Variants in DNAJA1 observed in about 807,000 individuals in gnomAD.
DNAJA1 encodes the protein dnaJ homolog subfamily A member 1.
DNAJA1 carries 26 observed loss-of-function variants against 47.6 expected under a neutral mutation model. That is an observed-to-expected ratio of 0.55 (90% confidence interval 0.40 to 0.76). The LOEUF is 0.76. DNAJA1 is among the 30% of genes least tolerant of loss of function. The probability of loss-of-function intolerance (pLI) is 0.00; values close to 1 mark genes in which losing one functional copy is unlikely to be tolerated. For synonymous variants in DNAJA1, 165 were observed against 158.4 expected (o/e 1.04, Z -0.31); for missense variants, 315 against 485.0 (o/e 0.65, Z 3.29).
chr9:33,034,765 G>A (rs1351578235), intron 6 of DNAJA1, among the ~76,000 whole-genome samples: 2 of 152,138 alleles, frequency 1.3e-5, no homozygotes, highest in African/African-American at 4.8e-5. Flanking sequence ...ATAAATTCAG[G>A]TCTACCATTT....
chr9:33,037,868 A>G (rs1839059573), intron 8 of DNAJA1, among the ~76,000 whole-genome samples: 1 of 152,112 alleles, frequency 6.6e-6, no homozygotes, highest in African/African-American at 2.4e-5. Context: ...TAAAGTTGAG[A>G]GGTGCTTTAT....
Position 33,038,858 on chromosome 9 carries a change from T to A in DNAJA1, c.1149T>A (p.Asp383Glu), listed in dbSNP as rs1364905150. 6.2e-7 allele frequency: 1 copy of A among 1,613,854 alleles called. No individual in the cohort carries two copies. Among genetic ancestry groups the A allele is most frequent in the Non-Finnish European group, 8.5e-7 (1 of 1,179,974 alleles). The part of the protein sequence containing the change: ...RRHYNGEAYE[D>E]DEHHPRGGVQ... ...ACTACAATGGAGAAGCATATGAGGA[T>A]GATGAACATCATCCCAGAGGTGGTG... Residue 383 changes from aspartate to glutamate, a missense_variant, in exon 9 of 9, where the codon GAT (aspartate) becomes GAA (glutamate). Transcript: ENST00000330899.
chr9:33,027,828 C>CT (rs1838897145), intron 3 of DNAJA1, among the ~76,000 whole-genome samples: 1 of 151,744 alleles, frequency 6.6e-6, no homozygotes, highest in South Asian at 2.1e-4. Context: ...CCAGCCTGGG[C>CT]AACAAGAGTG....
chr9:33,039,165 C>G lies in DNAJA1; in HGVS notation c.*262C>G, dbSNP rs1839081050. The G allele has an allele frequency of 2.2e-6, 1 of 444,598 alleles. No individual in the cohort carries two copies. Among genetic ancestry groups the G allele is most frequent in the South Asian group, 2.4e-5 (1 of 41,742 alleles). The allele number at this position is 444,598 out of a possible 1,614,324, so 27.5% of individuals were successfully genotyped here. ...TTCCCCTAGCATTTCTAGGCCAAAC[C>G]TTGTAATTGACTTCAGCTATGTACG... On this transcript the variant is annotated 3_prime_UTR_variant, in exon 9 of 9. Coordinates refer to ENST00000330899, the MANE Select transcript of DNAJA1 (RefSeq NM_001539.4).
chr9:33,026,649 T>C, intron 2 of DNAJA1, 33 bp downstream of exon 2: 1 of 1,586,308 alleles, frequency 6.3e-7, no homozygotes, highest in Non-Finnish European at 8.5e-7. Context: ...CGTATCTGAA[T>C]AGTTCTTTGC....
At chr9:33,030,916 G>T (rs1464574218) in intron 5 of DNAJA1, among the ~76,000 whole-genome samples, 1 of 152,024 alleles carries the variant, frequency 6.6e-6, no homozygotes, top group African/African-American at 2.4e-5. Context: ...TGAAATCTGT[G>T]GTCCTGTAAA....
In DNAJA1 at chr9:33,029,895, T is replaced by C. The variant is rs771935926; in HGVS notation, c.321T>C (p.Val107=). 2.5e-6 allele frequency: 4 copies of C among 1,605,628 alleles called. No homozygotes were observed. In the South Asian group the frequency reaches 3.4e-5, roughly 14 times the overall value. Residue 107 remains valine (V), a synonymous_variant, in exon 4 of 9, where the codon GTT becomes GTC. Transcript: ENST00000330899. ...RMQRERRGKN[V]VHQLSVTLED... is the part of the protein sequence containing the mutation. ...AATATTTTGTTTTAGGTAAAAATGTTGTACATCAGCTCTCAGTAACCCTAG... is the reference window on the plus strand; with the variant it reads ...AATATTTTGTTTTAGGTAAAAATGTCGTACATCAGCTCTCAGTAACCCTAG...
chr9:33,030,489 T>C lies in DNAJA1; in HGVS notation c.465T>C (p.Gly155=). 6 of 1,613,818 alleles carry C rather than the reference T, an allele frequency of 3.7e-6. No individual in the cohort carries two copies. Among genetic ancestry groups the C allele is most frequent in the Non-Finnish European group, 5.1e-6 (6 of 1,180,004 alleles). ...TAGAGTGCTGTCCCAATTGCCGAGG[T>C]ACTGGAATGCAAATAAGAATTCATC... ...GAVECCPNCR[G]TGMQIRIHQI... Residue 155 remains glycine (G), a synonymous_variant, in exon 5 of 9, where the codon GGT becomes GGC. Coordinates refer to ENST00000330899, the MANE Select transcript of DNAJA1 (RefSeq NM_001539.4).
At chr9:33,028,451 C>A (rs1838909165) in intron 3 of DNAJA1, among the ~76,000 whole-genome samples, 2 of 152,256 alleles carry the variant, frequency 1.3e-5, no homozygotes, top group South Asian at 4.1e-4. Context: ...ATGGCCAAGC[C>A]ATTAAATTTC....
chr9:33,025,312 G>C lies in DNAJA1; in HGVS notation c.-82G>C, dbSNP rs985685877. ...AACGCTCGGTGAGAGGCGGAGGAGC[G>C]GTAACTACCCCGGCTGCGCACAGCT... is the stretch of plus-strand genomic sequence containing the variant. On this transcript the variant is annotated 5_prime_UTR_variant, in exon 1 of 9. Coordinates refer to ENST00000330899, the MANE Select transcript of DNAJA1 (RefSeq NM_001539.4). 6.6e-6 allele frequency: 1 copy of C among 152,464 alleles called. No individual in the cohort carries two copies. Among genetic ancestry groups the C allele is most frequent in the Non-Finnish European group, 1.5e-5 (1 of 68,050 alleles). The allele number at this position is 152,464 out of a possible 1,614,324, so 9.4% of individuals were successfully genotyped here.
At chr9:33,036,481 C>G (rs956980933) in intron 6 of DNAJA1, 93 bp from the exon 7 acceptor site, 13 of 709,130 alleles carry the variant, frequency 1.8e-5, no homozygotes, top group South Asian at 3.8e-5. Flanking sequence ...TGTAAAAGAC[C>G]CTTTGCTTTT....
Position 33,034,205 on chromosome 9 carries a change from T to G in DNAJA1, c.644-11T>G. The G allele has an allele frequency of 6.4e-7, 1 of 1,558,048 alleles. No homozygotes were observed. On this transcript the variant is annotated splice_polypyrimidine_tract_variant and intron_variant, in intron 5 of 8. Coordinates refer to ENST00000330899, the MANE Select transcript of DNAJA1 (RefSeq NM_001539.4). ...TTTAATAAAAGTACAAAATTAATGTTTTGTTTTTAGGCATGAAAGATGGCC... is the reference window on the plus strand; with the variant it reads ...TTTAATAAAAGTACAAAATTAATGTGTTGTTTTTAGGCATGAAAGATGGCC...
intron 3 of DNAJA1, among the ~76,000 whole-genome samples, chr9:33,028,979 C>T (rs12377889): frequency 0.07 from 10,726 of 152,208 alleles, 513 homozygotes; most frequent in Non-Finnish European, 0.11. Flanking sequence ...TGAATAAGTC[C>T]TTGTGGAAGG....
intron 3 of DNAJA1, among the ~76,000 whole-genome samples, chr9:33,029,403 CAATA>C (rs1345805892): frequency 4.6e-5 from 7 of 152,198 alleles, no homozygotes; most frequent in Non-Finnish European, 8.8e-5. Context: ...TGTGGTGACT[CAATA>C]AATACATCAG....
In DNAJA1 at chr9:33,026,616, G is replaced by T; in HGVS notation, c.132G>T (p.Lys44Asn). 6.2e-7 allele frequency: 1 copy of T among 1,600,820 alleles called. No homozygotes were observed. Among genetic ancestry groups the T allele is most frequent in the Admixed American group, 1.8e-5 (1 of 55,730 alleles). The stretch of plus-strand genomic sequence containing the variant: ...ATAAGAACCCAAATGAAGGAGAGAA[G>T]GTGAATAGTATCTACTCTTAAACGT... ...HPDKNPNEGE[K>N]FKQISQAYEV... The change falls in exon 2 of 9, where the codon AAG becomes AAT. Residue 44 changes from lysine to asparagine, a missense_variant and splice_region_variant. By Grantham distance (94) the Lys-to-Asn change is moderately conservative. Transcript: ENST00000330899.
At position 33,038,800 on chromosome 9, in the gene DNAJA1, T is replaced by C. The variant is rs768094883; in HGVS notation, c.1091T>C (p.Val364Ala). 6.2e-7 allele frequency: 1 copy of C among 1,614,064 alleles called. No individual in the cohort carries two copies. Among genetic ancestry groups the C allele is most frequent in the Non-Finnish European group, 8.5e-7 (1 of 1,180,010 alleles). The change falls in exon 9 of 9, where the codon GTG becomes GCG. Residue 364 changes from valine (V) to alanine (A), a missense_variant. By Grantham distance (64) the Val-to-Ala change is moderately conservative (BLOSUM62 0). Around this residue, in one of 4 missense-constraint regions of DNAJA1, gnomAD observed 162 missense variants for 185.4 expected, o/e 0.87. Coordinates refer to ENST00000330899, the MANE Select transcript of DNAJA1 (RefSeq NM_001539.4). ...ETDEMDQVELVDFDPNQERRR... is the reference protein window; with the variant it reads ...ETDEMDQVELADFDPNQERRR... ...GATGAGATGGACCAAGTAGAACTGG[T>C]GGACTTTGATCCAAATCAGGAAAGA...
intron 5 of DNAJA1, among the ~76,000 whole-genome samples, chr9:33,033,363 G>C (rs1262158432): frequency 6.6e-6 from 1 of 151,970 alleles, no homozygotes; most frequent in Admixed American, 6.6e-5. Context: ...GCCTCTCAAA[G>C]TATAATTACC....
At chr9:33,036,762 T>C in intron 7 of DNAJA1, 73 bp downstream of exon 7, 1 of 1,130,552 alleles carries the variant, frequency 8.8e-7, no homozygotes, top group South Asian at 1.4e-5. Context: ...TAACAAAGTG[T>C]AGTATAGGCA....
chr9:33,026,730 C>G, intron 2 of DNAJA1, 83 bp from the exon 3 acceptor site: 2 of 1,571,672 alleles, frequency 1.3e-6, no homozygotes, highest in Non-Finnish European at 1.7e-6. Flanking sequence ...ACTTCTCGGC[C>G]TTTTTAGCTA....
Sources: allele counts gnomAD v4.1 joint callset (sites outside exome capture counted in the v4.1 genomes callset), GRCh38; gene constraint gnomAD v4.1.1; regional missense constraint gnomAD v4.1.1; transcripts MANE v1.5; gene names NCBI Gene and HGNC (gene_info 2026-07-23, HGNC 2026-07-21).